Variants in IQSEC2 observed in about 807,000 individuals in gnomAD.
The protein encoded by IQSEC2 is IQ motif and Sec7 domain ArfGEF 2.
A neutral mutation model predicts 74.6 loss-of-function variants in IQSEC2; 6 were observed. That is an observed-to-expected ratio of 0.08 (90% CI 0.04 to 0.16). The LOEUF (loss-of-function observed/expected upper bound fraction) is 0.16. Ranked by LOEUF, IQSEC2 falls within the 10% of genes least tolerant of loss-of-function variation. IQSEC2 has a pLI of 1.00. For synonymous variants in IQSEC2, 494 were observed against 544.5 expected (o/e 0.91, Z 1.29); for missense variants, 734 against 1,306.2 (o/e 0.56, Z 6.75).
intron 1 of IQSEC2, among the ~76,000 whole-genome samples, chrX:53,295,961 C>T (rs1355341884): frequency 9.0e-6 from 1 of 111,645 alleles, no homozygotes; most frequent in African/African-American, 3.3e-5. Context: ...ACAGACTGGT[C>T]CTCAAGCCAG....
intron 2 of IQSEC2, among the ~76,000 whole-genome samples, chrX:53,283,776 CG>C (rs1490412714): frequency 8.9e-6 from 1 of 111,982 alleles, no homozygotes; most frequent in Admixed American, 9.5e-5. Flanking sequence ...GCACTGTCCC[CG>C]GTGCTGGATA....
intron 2 of IQSEC2, among the ~76,000 whole-genome samples, chrX:53,284,124 G>C (rs922697783): frequency 2.7e-5 from 3 of 111,141 alleles, no homozygotes; most frequent in Admixed American, 9.6e-5. Flanking sequence ...TTTGGGACAG[G>C]CATGTGGGGT....
downstream of IQSEC2, among the ~76,000 whole-genome samples, chrX:53,232,391 C>A (rs922080799): frequency 3.6e-5 from 4 of 111,860 alleles, no homozygotes; most frequent in Admixed American, 1.9e-4. Flanking sequence ...AGCTCCAAGG[C>A]CAGGCCAGGC....
intron 1 of IQSEC2, among the ~76,000 whole-genome samples, chrX:53,307,593 G>C (rs782568530): frequency 9.1e-6 from 1 of 109,468 alleles, no homozygotes; most frequent in African/African-American, 3.3e-5. Context: ...TTAAGGGAAG[G>C]GAATGATCAA....
At chrX:53,319,364 C>A (rs1556879729) in intron 1 of IQSEC2, among the ~76,000 whole-genome samples, 1 of 111,764 alleles carries the variant, frequency 8.9e-6, no homozygotes, top group Non-Finnish European at 1.9e-5. Context: ...TCATCCAAGG[C>A]AGACCTTGCC....
chrX:53,296,062 AG>A (rs1193590176), intron 1 of IQSEC2, among the ~76,000 whole-genome samples: 1 of 106,808 alleles, frequency 9.4e-6, no homozygotes. Flanking sequence ...TTTGAGACAG[AG>A]TCTCACTCTG....
At chrX:53,257,058 G>A (rs1377088273) in intron 2 of IQSEC2, among the ~76,000 whole-genome samples, 4 of 111,993 alleles carry the variant, frequency 3.6e-5, no homozygotes, top group Non-Finnish European at 7.5e-5. Flanking sequence ...AAGGAGTCGG[G>A]CGGGAAGGAA....
At chrX:53,236,205 A>G in intron 13 of IQSEC2, 117 bp downstream of exon 13, 2 of 844,610 alleles carry the variant, frequency 2.4e-6, no homozygotes, top group Non-Finnish European at 3.4e-6. Context: ...CTCTGGGTGA[A>G]GGCAGGGTGC....
At chrX:53,316,138 G>A (rs1246316114) in intron 1 of IQSEC2, among the ~76,000 whole-genome samples, 9 of 112,077 alleles carry the variant, frequency 8.0e-5, no homozygotes, top group Non-Finnish European at 1.3e-4. Flanking sequence ...TTCTGCAAGC[G>A]CTAAGAGTGC....
At chrX:53,298,836 T>C (rs1217867561) in intron 1 of IQSEC2, among the ~76,000 whole-genome samples, 1 of 111,707 alleles carries the variant, frequency 9.0e-6, no homozygotes, top group Non-Finnish European at 1.9e-5. Context: ...CTAATCCTTC[T>C]GCTGAAATTT....
intron 1 of IQSEC2, among the ~76,000 whole-genome samples, chrX:53,303,009 C>A (rs1338319336): frequency 9.0e-6 from 1 of 111,006 alleles, no homozygotes; most frequent in Non-Finnish European, 1.9e-5. Context: ...TTGAGACAAG[C>A]CTGGACAACA....
chrX:53,245,228 G>C (rs957189196), intron 8 of IQSEC2, among the ~76,000 whole-genome samples: 1 of 110,248 alleles, frequency 9.1e-6, no homozygotes, highest in Non-Finnish European at 1.9e-5. Flanking sequence ...AGGAGTTTGA[G>C]ACCAGCCTGG....
intron 4 of IQSEC2, among the ~76,000 whole-genome samples, chrX:53,251,801 T>C (rs1388135779): frequency 8.9e-6 from 1 of 112,626 alleles, no homozygotes; most frequent in African/African-American, 3.2e-5. Context: ...GGCTCATGCC[T>C]GTAATCCCAG....
Position 53,313,619 on chromosome X carries a change from T to C in IQSEC2, c.707+6798A>G, listed in dbSNP as rs782762638. Among the ~76,000 whole-genome samples, 6 of 112,418 alleles carry C rather than the reference T, an allele frequency of 5.3e-5. No homozygotes were observed. The South Asian group carries it at 2.2e-3, about 41-fold the overall frequency. On this transcript the variant is annotated intron_variant, in intron 1 of 14. Coordinates refer to ENST00000642864, the MANE Select transcript of IQSEC2 (RefSeq NM_001111125.3). ...TGTTTATGATCCTGCCAGGGAACACTGCAGTGAGTGAGGCAGAGGGGCCAA... is the reference window on the plus strand; with the variant it reads ...TGTTTATGATCCTGCCAGGGAACACCGCAGTGAGTGAGGCAGAGGGGCCAA...
chrX:53,303,408 C>T (rs1480519209), intron 1 of IQSEC2, among the ~76,000 whole-genome samples: 4 of 111,125 alleles, frequency 3.6e-5, no homozygotes, highest in African/African-American at 9.8e-5. Flanking sequence ...CCACAAGTGG[C>T]GTGAAGACCT....
intron 2 of IQSEC2, among the ~76,000 whole-genome samples, chrX:53,272,335 C>T (rs2074756743): frequency 9.0e-6 from 1 of 111,585 alleles, no homozygotes; most frequent in Non-Finnish European, 1.9e-5. Flanking sequence ...GAAATCAACA[C>T]TAATAATAGC....
At chrX:53,283,738 C>A (rs937817318) in intron 2 of IQSEC2, among the ~76,000 whole-genome samples, 1 of 111,957 alleles carries the variant, frequency 8.9e-6, no homozygotes, top group Non-Finnish European at 1.9e-5. Context: ...GGCCTTCATG[C>A]ATTTATTCGA....
At chrX:53,284,291 G>A (rs2075004262) in intron 2 of IQSEC2, among the ~76,000 whole-genome samples, 1 of 109,846 alleles carries the variant, frequency 9.1e-6, no homozygotes, top group Non-Finnish European at 1.9e-5. Context: ...TGATGAGCTG[G>A]TGGCAGGCAT....
At chrX:53,310,666 C>A (rs1464380924) in intron 1 of IQSEC2, among the ~76,000 whole-genome samples, 2 of 110,775 alleles carry the variant, frequency 1.8e-5, no homozygotes, top group Non-Finnish European at 3.8e-5. Context: ...CACAGGTCCA[C>A]CCTCTTCCAT....
Sources: allele counts gnomAD v4.1 joint callset (sites outside exome capture counted in the v4.1 genomes callset), GRCh38; gene constraint gnomAD v4.1.1; transcripts MANE v1.5; gene names NCBI Gene and HGNC (gene_info 2026-07-23, HGNC 2026-07-21).